The following PCDHA1 variants were observed in gnomAD, a reference collection of about 807,000 sequenced individuals.
The protein encoded by PCDHA1 is protocadherin alpha 1, also known as protocadherin alpha-1.
In PCDHA1, 42 loss-of-function variants were observed where a neutral mutation model predicts 61.3. The ratio of observed to expected loss-of-function variants is 0.69; its 90% CI spans 0.54 to 0.89. The LOEUF is 0.89. Among genes scored for constraint, PCDHA1 ranks in the 40% least tolerant of loss-of-function variants. PCDHA1 has a pLI of 0.00. For synonymous variants in PCDHA1, 610 were observed against 553.8 expected, an observed-to-expected ratio of 1.10 and a Z score of -1.43; for missense variants, 1,256 against 1,235.3, an observed-to-expected ratio of 1.02 and a Z score of -0.25.
In PCDHA1 at chr5:141,010,032, T is replaced by C. The variant is rs529237892; in HGVS notation, c.*95T>C. 6.3e-7 allele frequency: 1 copy of C among 1,582,368 alleles called. No individual in the cohort carries two copies. Among genetic ancestry groups the C allele is most frequent in the African/African-American group, 1.4e-5 (1 of 73,468 alleles). On this transcript the variant is annotated 3_prime_UTR_variant, in exon 4 of 4. Transcript: ENST00000504120. ...TCCCTGCTCCTTTTTCCTATCTACA[T>C]GAGCCCTCTTAGAGACCTCAGAAAT...
At chr5:141,009,551 C>G (rs551736337) in intron 3 of PCDHA1, 76 bp from the exon 4 acceptor site, 1 of 1,561,992 alleles carries the variant, frequency 6.4e-7, no homozygotes, top group East Asian at 2.2e-5. Flanking sequence ...ATGCAGTACT[C>G]CTGTACTCTA....
chr5:140,879,838 A>G (rs73793511), intron 1 of PCDHA1, among the ~76,000 whole-genome samples: 3,913 of 152,230 alleles, frequency 0.026, 159 homozygotes, highest in African/African-American at 0.089. Flanking sequence ...TTGTGGCTGT[A>G]CCACTCCCAT....
At chr5:140,986,135 A>G (rs2097188048) in intron 3 of PCDHA1, among the ~76,000 whole-genome samples, 1 of 152,256 alleles carries the variant, frequency 6.6e-6, no homozygotes, top group Non-Finnish European at 1.5e-5. Flanking sequence ...GAAAGGATCA[A>G]CAAGGGCATC....
chr5:140,817,037 G>A (rs140031382), intron 1 of PCDHA1: 1 of 152,254 alleles, frequency 6.6e-6, no homozygotes, highest in African/African-American at 2.4e-5. Context: ...AGAGTGCTGA[G>A]CTGAGTTTCT....
At chr5:140,927,754 C>T (rs1554205003) in intron 1 of PCDHA1, 1 of 1,614,030 alleles carries the variant, frequency 6.2e-7, no homozygotes, top group African/African-American at 1.3e-5. Flanking sequence ...TCACGTGCAC[C>T]CTAAAAGTGG....
At chr5:140,966,447 C>T (rs373859357) in intron 1 of PCDHA1, 40 of 425,326 alleles carry the variant, frequency 9.4e-5, no homozygotes, top group Middle Eastern at 5.8e-4. Context: ...CTCCCTTTCC[C>T]CCTCCCCCTC....
intron 1 of PCDHA1, among the ~76,000 whole-genome samples, chr5:140,972,920 C>T (rs1343772789): frequency 6.6e-6 from 1 of 152,048 alleles, no homozygotes; most frequent in East Asian, 1.9e-4. Context: ...CCTTGGCCTC[C>T]CAAAGTGCTG....
chr5:140,873,557 T>C (rs1347474996), intron 1 of PCDHA1, among the ~76,000 whole-genome samples: 1 of 150,760 alleles, frequency 6.6e-6, no homozygotes, highest in Non-Finnish European at 1.5e-5. Context: ...TTTCAATTTA[T>C]TTTCTAGTTT....
rs920860677 is a variant in PCDHA1, at chr5:140,985,387, C to T, written c.2542+2824C>T. Among the ~76,000 whole-genome samples the T allele has an allele frequency of 3.0e-4, 45 of 152,272 alleles. 1 individual carries two copies. Among genetic ancestry groups the T allele is most frequent in the African/African-American group, 9.9e-4 (41 of 41,542 alleles). On this transcript the variant is annotated intron_variant, in intron 3 of 3. Transcript: ENST00000504120. ...GTTATCTGGGTCTATATAATCCAGTCACCCCAACTGTTCCCCTGGAAATGG... is the reference window on the plus strand; with the variant it reads ...GTTATCTGGGTCTATATAATCCAGTTACCCCAACTGTTCCCCTGGAAATGG...
At chr5:140,844,751 T>G (rs1554140718) in intron 1 of PCDHA1, among the ~76,000 whole-genome samples, 1 of 149,538 alleles carries the variant, frequency 6.7e-6, no homozygotes. Flanking sequence ...ATGGGATAAA[T>G]CTTTGAAAAA....
chr5:140,901,549 A>T (rs1554189886), intron 1 of PCDHA1, among the ~76,000 whole-genome samples: 1 of 152,052 alleles, frequency 6.6e-6, no homozygotes, highest in Non-Finnish European at 1.5e-5. Context: ...ATTCTGTTCC[A>T]TTCATCTATG....
At chr5:140,856,540 C>A (rs1554148838) in intron 1 of PCDHA1, 1 of 1,598,162 alleles carries the variant, frequency 6.3e-7, no homozygotes, top group African/African-American at 1.3e-5. Context: ...TTGGAGAGAA[C>A]GCATTGCTTA....
At position 141,012,023 on chromosome 5, in the gene PCDHA1, C is replaced by T. The variant is rs1174206729; in HGVS notation, c.*2086C>T. On this transcript the variant is annotated 3_prime_UTR_variant, in exon 4 of 4. Coordinates refer to ENST00000504120, the MANE Select transcript of PCDHA1 (RefSeq NM_018900.4). ...TATTTTGAAGGGTGTGTAACTTCAGCTCTGCAGGATTGCATGGGGTAAAAC... is the reference window on the plus strand; with the variant it reads ...TATTTTGAAGGGTGTGTAACTTCAGTTCTGCAGGATTGCATGGGGTAAAAC... The T allele has an allele frequency of 6.5e-6, 1 of 153,700 alleles. No individual in the cohort carries two copies. The highest frequency in any genetic ancestry group is 1.5e-5 in the Non-Finnish European group (1 of 68,026). The allele number at this position is 153,700 out of a possible 1,614,324, so 9.5% of individuals were successfully genotyped here.
At chr5:140,827,393 T>A (rs1554130775) in intron 1 of PCDHA1, among the ~76,000 whole-genome samples, 1 of 152,206 alleles carries the variant, frequency 6.6e-6, no homozygotes, top group African/African-American at 2.4e-5. Flanking sequence ...GCAGATAAAT[T>A]AAATGTGATA....
rs139331486 is a variant in PCDHA1, at chr5:140,836,143, C to A, written c.2394+47459C>A. 1,039 of 1,613,760 alleles carry A rather than the reference C, an allele frequency of 6.4e-4. 8 individuals carry two copies. The highest frequency in any genetic ancestry group is 1.2e-3 in the South Asian group (112 of 91,068). ...GAGCTTGTGCCGCGGTCTGTGGGCG[C>A]GGGCCATGTGGTGGCGAAGGTACGT... On this transcript the variant is annotated intron_variant, in intron 1 of 3. Coordinates refer to ENST00000504120, the MANE Select transcript of PCDHA1 (RefSeq NM_018900.4).
At chr5:140,891,849 C>G (rs1446447359) in intron 1 of PCDHA1, among the ~76,000 whole-genome samples, 2 of 152,262 alleles carry the variant, frequency 1.3e-5, no homozygotes, top group African/African-American at 4.8e-5. Context: ...TGGAAGGAGC[C>G]TGTCCCTCTC....
At chr5:140,968,365 T>C (rs1554230638) in intron 1 of PCDHA1, 1 of 1,614,112 alleles carries the variant, frequency 6.2e-7, no homozygotes, top group Non-Finnish European at 8.5e-7. Context: ...GCCTTTATGC[T>C]GTCAACTCCT....
At chr5:140,894,904 A>G (rs1422978967) in intron 1 of PCDHA1, among the ~76,000 whole-genome samples, 1 of 152,168 alleles carries the variant, frequency 6.6e-6, no homozygotes, top group Non-Finnish European at 1.5e-5. Context: ...TAATTTTCCT[A>G]TCTTTGTTGC....
chr5:140,944,058 G>A (rs185843356), intron 1 of PCDHA1, among the ~76,000 whole-genome samples: 116 of 152,248 alleles, frequency 7.6e-4, no homozygotes, highest in African/African-American at 2.7e-3. Flanking sequence ...ATACAAAAAG[G>A]TTTCTTGTTA....
Sources: gnomAD v4.1 joint callset for allele counts (sites outside exome capture counted in the v4.1 genomes callset) on GRCh38, gnomAD v4.1.1 for gene constraint, MANE v1.5 for transcripts, NCBI Gene and HGNC (gene_info 2026-07-23, HGNC 2026-07-21) for gene names.